Variants in BRD1 observed in about 807,000 individuals in gnomAD.
BRD1 encodes the protein bromodomain-containing protein 1.
In BRD1, 24 loss-of-function variants were observed where a neutral mutation model predicts 107.7. That is an observed-to-expected ratio of 0.22 (90% CI 0.16 to 0.31). The LOEUF is 0.31. Among genes scored for constraint, BRD1 ranks in the 10% least tolerant of loss-of-function variants. BRD1 has a pLI of 1.00. For synonymous variants in BRD1, 744 were observed against 686.1 expected (o/e 1.08, Z -1.32); for missense variants, 1,279 against 1,638.6 (o/e 0.78, Z 3.79).
chr22:49,791,835 G>A (rs1255409041), intron 7 of BRD1, among the ~76,000 whole-genome samples: 1 of 152,070 alleles, frequency 6.6e-6, no homozygotes, highest in African/African-American at 2.4e-5. Context: ...CTTCCCATCA[G>A]CTCACAGGAA....
intron 2 of BRD1, chr22:49,820,741 A>G (rs2060050093): frequency 6.6e-6 from 1 of 152,444 alleles, no homozygotes; most frequent in East Asian, 1.9e-4. Flanking sequence ...TGCCTCTCAG[A>G]CCACAGCAAG....
At chr22:49,799,532 A>G (rs929290695) in intron 3 of BRD1, among the ~76,000 whole-genome samples, 1 of 152,202 alleles carries the variant, frequency 6.6e-6, no homozygotes, top group Admixed American at 6.5e-5. Flanking sequence ...GAGCGGCTGG[A>G]AAGAAACCAG....
intron 3 of BRD1, among the ~76,000 whole-genome samples, chr22:49,802,722 C>T (rs1729717205): frequency 6.6e-6 from 1 of 152,226 alleles, no homozygotes; most frequent in Admixed American, 6.5e-5. Flanking sequence ...CCTCCAGCCC[C>T]CAGAGCTTCC....
intron 8 of BRD1, among the ~76,000 whole-genome samples, chr22:49,782,548 C>T (rs111603403): frequency 6.9e-6 from 1 of 144,604 alleles, no homozygotes; most frequent in East Asian, 2.1e-4. Context: ...CAGAGACAGA[C>T]CCAAGGCCCA....
chr22:49,818,417 T>C (rs1394845674), intron 2 of BRD1: 1 of 1,075,088 alleles, frequency 9.3e-7, no homozygotes, highest in East Asian at 7.6e-5. Flanking sequence ...ATGCGTGTAT[T>C]TATCCCTCAT....
chr22:49,786,850 C>A (rs1364070891), intron 8 of BRD1, among the ~76,000 whole-genome samples: 1 of 152,202 alleles, frequency 6.6e-6, no homozygotes, highest in African/African-American at 2.4e-5. Context: ...GCGGCTCACA[C>A]ATCTAATCCC....
rs932142575 is a variant in BRD1 at position 49,777,745 on chromosome 22, T to G, written c.2926A>C (p.Thr976Pro). ...TCGGAGGCACAGCGTCGTCGGGGTG[T>G]GGCCTTCCTCCCCAGGCCGCCGCCC... Reference protein sequence around the residue: ...EPGGGLGRKATPRRRCASESS... With the variant: ...EPGGGLGRKAPPRRRCASESS... The change falls in exon 9 of 13, where the codon ACA becomes CCA. Residue 976 changes from threonine to proline, a missense_variant. Around this residue, in one of 7 missense-constraint regions of BRD1, gnomAD observed 263 missense variants for 251.6 expected, o/e 1.05. Coordinates refer to ENST00000404760, the MANE Select transcript of BRD1 (RefSeq NM_001304808.3). 6.2e-7 allele frequency: 1 copy of G among 1,606,958 alleles called. No individual in the cohort carries two copies. The highest frequency in any genetic ancestry group is 8.5e-7 in the Non-Finnish European group (1 of 1,178,144).
chr22:49,794,667 A>G (rs1375029667), intron 6 of BRD1, among the ~76,000 whole-genome samples: 5 of 152,222 alleles, frequency 3.3e-5, no homozygotes, highest in Non-Finnish European at 7.3e-5. Context: ...CGCACGCTCC[A>G]CCAACCCAGC....
chr22:49,799,143 C>G, intron 3 of BRD1, 24 bp from the exon 4 acceptor site: 8 of 1,595,444 alleles, frequency 5.0e-6, no homozygotes, highest in Non-Finnish European at 6.8e-6. Context: ...ACACTTCCGT[C>G]AGTCAAACCC....
At chr22:49,796,323 T>C (rs903889697) in intron 6 of BRD1, among the ~76,000 whole-genome samples, 3 of 151,810 alleles carry the variant, frequency 2.0e-5, no homozygotes, top group African/African-American at 7.3e-5. Flanking sequence ...CTCGACCTCC[T>C]GACTTCGTGA....
In BRD1 at chr22:49,783,901, C is replaced by T. The variant is rs1365384670; in HGVS notation, c.2857+3489G>A. On this transcript the variant is annotated intron_variant, in intron 8 of 12. Coordinates refer to ENST00000404760, the MANE Select transcript of BRD1 (RefSeq NM_001304808.3). The surrounding 1 kb of genome is among the most constrained non-coding windows in gnomAD (Gnocchi z 4.2). ...CCAAAACGGCCGCTTAGCAGAACTC[C>T]AGTCCAAGTTGAGGTAAGAGAAAAT... Among the ~76,000 whole-genome samples the T allele has an allele frequency of 4.6e-5, 7 of 152,226 alleles. No homozygotes were observed. The highest frequency in any genetic ancestry group is 8.8e-5 in the Non-Finnish European group (6 of 68,044).
chr22:49,801,528 GCACAGTCTCTCCCAATAGCCCGTTCA>G (rs942877177), intron 3 of BRD1, among the ~76,000 whole-genome samples: 1 of 152,222 alleles, frequency 6.6e-6, no homozygotes, highest in African/African-American at 2.4e-5. Flanking sequence ...GAAGGCAGAA[GCACAGTCTCTCCCAATAGCCCGTTCA>G]CACAGAGGCA....
At position 49,824,306 on chromosome 22, in the gene BRD1, T is replaced by G; in HGVS notation, c.12A>C (p.Lys4Asn). 1 of 1,612,248 alleles carries G rather than the reference T, an allele frequency of 6.2e-7. No individual in the cohort carries two copies. Among genetic ancestry groups the G allele is most frequent in the Non-Finnish European group, 8.5e-7 (1 of 1,178,624 alleles). The change falls in exon 2 of 13, where the codon AAA becomes AAC. Residue 4 changes from lysine to asparagine, a missense_variant. Physicochemically the swap from Lys to Asn is moderately conservative, Grantham distance 94. Coordinates refer to ENST00000404760, the MANE Select transcript of BRD1 (RefSeq NM_001304808.3). The surrounding 1 kb of genome is among the most constrained non-coding windows in gnomAD (Gnocchi z 5.9). The stretch of plus-strand genomic sequence containing the variant: ...CTGCAGAGCCTCGATGACATCGTCC[T>G]TTCCTCCTCATTTGGTAATGATTAC... MRR[K>N]GRCHRGSAAR...
intron 8 of BRD1, among the ~76,000 whole-genome samples, chr22:49,786,850 C>T (rs1364070891): frequency 6.6e-6 from 1 of 152,202 alleles, no homozygotes; most frequent in East Asian, 1.9e-4. Flanking sequence ...GCGGCTCACA[C>T]ATCTAATCCC....
At chr22:49,784,602 C>T (rs558669212) in intron 8 of BRD1, among the ~76,000 whole-genome samples, 62 of 152,248 alleles carry the variant, frequency 4.1e-4, no homozygotes, top group Non-Finnish European at 7.6e-4. Context: ...CAGAATTGTG[C>T]GTGTGCTGGA....
Position 49,803,838 on chromosome 22 carries a change from C to T in BRD1, c.1524+366G>A, listed in dbSNP as rs1435984320. On this transcript the variant is annotated intron_variant, in intron 3 of 12. Coordinates refer to ENST00000404760, the MANE Select transcript of BRD1 (RefSeq NM_001304808.3). The surrounding 1 kb of genome is among the most constrained non-coding windows in gnomAD (Gnocchi z 4.4). Reference sequence around the variant, plus strand: ...GCCCGGGTGTGCTCACCGGGTCCCACTCCTGCTGTCCCCAGCCCGGACGCT... The same window carrying T: ...GCCCGGGTGTGCTCACCGGGTCCCATTCCTGCTGTCCCCAGCCCGGACGCT... 6.6e-6 allele frequency among the ~76,000 whole-genome samples: 1 copy of T among 152,204 alleles called. No homozygotes were observed. Among genetic ancestry groups the T allele is most frequent in the African/African-American group, 2.4e-5 (1 of 41,440 alleles).
chr22:49,809,401 G>A (rs1414695755), intron 2 of BRD1, among the ~76,000 whole-genome samples: 3 of 151,940 alleles, frequency 2.0e-5, no homozygotes, highest in East Asian at 1.9e-4. Flanking sequence ...TTAGCCAGGC[G>A]TGGTGACAGG....
At chr22:49,780,172 G>A (rs967695940) in intron 8 of BRD1, among the ~76,000 whole-genome samples, 5 of 152,154 alleles carry the variant, frequency 3.3e-5, no homozygotes, top group African/African-American at 1.2e-4. Context: ...CCGCAGCTGT[G>A]CCAGCACCAA....
intron 8 of BRD1, among the ~76,000 whole-genome samples, chr22:49,780,230 C>A (rs1481295577): frequency 6.6e-6 from 1 of 152,244 alleles, no homozygotes; most frequent in Non-Finnish European, 1.5e-5. Flanking sequence ...ACGGCCCCGG[C>A]TCCGTGTGCA....
Sources: gnomAD v4.1 joint callset for allele counts (sites outside exome capture counted in the v4.1 genomes callset) on GRCh38, gnomAD v4.1.1 for gene constraint, gnomAD v4.1.1 regional missense constraint, Gnocchi (gnomAD v3.1) non-coding constraint, MANE v1.5 for transcripts, NCBI Gene and HGNC (gene_info 2026-07-23, HGNC 2026-07-21) for gene names.